Variants in IQGAP2 observed in about 807,000 individuals in gnomAD.
IQGAP2 encodes ras GTPase-activating-like protein IQGAP2.
Under a neutral mutation model 201.3 loss-of-function variants are expected in IQGAP2, and 173 were observed. That is an observed-to-expected ratio of 0.86 (90% CI 0.76 to 0.98). The LOEUF (loss-of-function observed/expected upper bound fraction) is 0.98, where lower values mean the gene tolerates loss of function less well. Among genes scored for constraint, IQGAP2 ranks in the 50% least tolerant of loss-of-function variants. IQGAP2 has a pLI of 0.00. For synonymous variants in IQGAP2, 675 were observed against 673.9 expected (o/e 1.00, Z -0.03); for missense variants, 1,687 against 1,864.8 (o/e 0.90, Z 1.76).
chr5:76,491,803 G>A lies in IQGAP2; in HGVS notation c.146+30134G>A, dbSNP rs147215603. ...GTTCTCTGCCTAATTTATATGTCTC[G>A]GAACATGCTGCTCCCCTCACCTTAA... On this transcript the variant is annotated intron_variant, in intron 2 of 35. Coordinates refer to ENST00000274364, the MANE Select transcript of IQGAP2 (RefSeq NM_006633.5). Among the ~76,000 whole-genome samples, 275 of 152,116 alleles carry A rather than the reference G, an allele frequency of 1.8e-3. 1 individual carries two copies. The highest frequency in any genetic ancestry group is 6.3e-3 in the African/African-American group (263 of 41,482).
chr5:76,600,145 T>C (rs1451361538), intron 10 of IQGAP2, among the ~76,000 whole-genome samples: 1 of 151,886 alleles, frequency 6.6e-6, no homozygotes, highest in East Asian at 1.9e-4. Flanking sequence ...CCAAACTCCA[T>C]CTCAAAAAAT....
intron 2 of IQGAP2, among the ~76,000 whole-genome samples, chr5:76,536,758 C>A (rs377752052): frequency 2.0e-5 from 3 of 147,294 alleles, no homozygotes; most frequent in East Asian, 2.0e-4. Flanking sequence ...GAAACTCCGT[C>A]TCCAAAAAAA....
chr5:76,606,567 T>A (rs1263520697), intron 12 of IQGAP2: 8 of 224,524 alleles, frequency 3.6e-5, no homozygotes, highest in Non-Finnish European at 5.2e-5. Context: ...TTATTTGTAC[T>A]TCAGAGACAG....
intron 3 of IQGAP2, among the ~76,000 whole-genome samples, chr5:76,564,860 C>G (rs1744635040): frequency 6.6e-6 from 1 of 152,150 alleles, no homozygotes; most frequent in Non-Finnish European, 1.5e-5. Context: ...GGAGGTGCAG[C>G]AGGAGGGAGA....
intron 1 of IQGAP2, among the ~76,000 whole-genome samples, chr5:76,437,579 A>G (rs1471800842): frequency 6.6e-6 from 1 of 151,838 alleles, no homozygotes; most frequent in Non-Finnish European, 1.5e-5. Flanking sequence ...TCCTGTGTCC[A>G]TGTGGTTTCA....
intron 2 of IQGAP2, among the ~76,000 whole-genome samples, chr5:76,511,999 A>G (rs1757998342): frequency 6.6e-6 from 1 of 151,506 alleles, no homozygotes. Context: ...TTTTATACAG[A>G]CAATTGGCAT....
At chr5:76,557,209 T>C (rs1744010636) in intron 2 of IQGAP2, among the ~76,000 whole-genome samples, 1 of 152,246 alleles carries the variant, frequency 6.6e-6, no homozygotes, top group Non-Finnish European at 1.5e-5. Flanking sequence ...GAGCAGAGGC[T>C]GGCCCCTGTC....
At position 76,658,625 on chromosome 5, in the gene IQGAP2, C is replaced by T; in HGVS notation, c.2487C>T (p.Asp829=). ...QQLEKDLNLM[D]IKIGLLVKNR... ...TGGAAAAAGACCTGAACCTGATGGA[C>T]ATCAAGATTGGACTGCTGGTGAAGA... Residue 829 remains aspartate (D), a synonymous_variant, in exon 21 of 36, where the codon GAC becomes GAT. Coordinates refer to ENST00000274364, the MANE Select transcript of IQGAP2 (RefSeq NM_006633.5). The T allele has an allele frequency of 6.2e-7, 1 of 1,613,990 alleles. No homozygotes were observed. The highest frequency in any genetic ancestry group is 1.3e-5 in the African/African-American group (1 of 75,050).
At chr5:76,569,346 A>T (rs1744954725) in intron 3 of IQGAP2, among the ~76,000 whole-genome samples, 3 of 152,136 alleles carry the variant, frequency 2.0e-5, no homozygotes, top group African/African-American at 7.2e-5. Context: ...AATGCACCAG[A>T]GTTTATTTAA....
chr5:76,462,492 T>C (rs10077639), intron 2 of IQGAP2, among the ~76,000 whole-genome samples: 30,029 of 152,172 alleles, frequency 0.2, 3,123 homozygotes, highest in Middle Eastern at 0.29. Context: ...ATGAGAGGAA[T>C]TGAGAGAACT....
chr5:76,536,065 CT>C (rs545584812), intron 2 of IQGAP2, among the ~76,000 whole-genome samples: 126 of 123,700 alleles, frequency 1.0e-3, no homozygotes, highest in East Asian at 9.7e-4. Context: ...GGAGCATATT[CT>C]TTTTTTTTTT....
At chr5:76,442,445 G>A (rs1330767069) in intron 1 of IQGAP2, among the ~76,000 whole-genome samples, 1 of 152,166 alleles carries the variant, frequency 6.6e-6, no homozygotes, top group Non-Finnish European at 1.5e-5. Context: ...AGTTATAGAA[G>A]TGAATAACTA....
At chr5:76,696,800 A>G (rs72761035) in intron 32 of IQGAP2, among the ~76,000 whole-genome samples, 125 of 152,342 alleles carry the variant, frequency 8.2e-4, no homozygotes, top group Non-Finnish European at 1.5e-3. Context: ...GAAAAAGGCT[A>G]TCATGAAGAC....
chr5:76,681,735 T>C (rs1745321341), intron 28 of IQGAP2, among the ~76,000 whole-genome samples: 2 of 152,134 alleles, frequency 1.3e-5, no homozygotes, highest in Non-Finnish European at 2.9e-5. Flanking sequence ...AATCTAACAG[T>C]TCCACTTCTG....
In IQGAP2 at chr5:76,654,226, T is replaced by C. The variant is rs1752731945; in HGVS notation, c.2205T>C (p.Thr735=). 1 of 1,611,172 alleles carries C rather than the reference T, an allele frequency of 6.2e-7. No individual in the cohort carries two copies. The highest frequency in any genetic ancestry group is 8.5e-7 in the Non-Finnish European group (1 of 1,178,718). ...TTCAGTCCTGGTTCCGAATGGCAAC[T>C]GCAAGAAAGAGCTATCTTTCAAGAC... ...VKIQSWFRMA[T]ARKSYLSRLQ... The change falls in exon 19 of 36, where the codon ACT becomes ACC. Residue 735 remains threonine, a synonymous_variant. Coordinates refer to ENST00000274364, the MANE Select transcript of IQGAP2 (RefSeq NM_006633.5).
chr5:76,704,412 T>C (rs1011926503), intron 35 of IQGAP2, among the ~76,000 whole-genome samples: 1 of 152,220 alleles, frequency 6.6e-6, no homozygotes, highest in Non-Finnish European at 1.5e-5. Context: ...CTTTGAGTAC[T>C]GGTATAAAAA....
At chr5:76,438,114 G>A (rs1286923482) in intron 1 of IQGAP2, among the ~76,000 whole-genome samples, 1 of 150,172 alleles carries the variant, frequency 6.7e-6, no homozygotes, top group Non-Finnish European at 1.5e-5. Flanking sequence ...AATGAGTTAG[G>A]GAGGATTCCT....
intron 14 of IQGAP2, chr5:76,628,655 T>C (rs1750450463): frequency 2.2e-6 from 1 of 455,200 alleles, no homozygotes; most frequent in Non-Finnish European, 4.4e-6. Context: ...TCAGAGAAGG[T>C]TCTTAAGATG....
chr5:76,683,775 G>A lies in IQGAP2; in HGVS notation c.3764-1G>A. On this transcript the variant is annotated splice_acceptor_variant, in intron 29 of 35. Transcript: ENST00000274364. LOFTEE classifies it high-confidence loss of function. ...AATAACACTAGGTTTTTTCCCTACA[G>A]GGGAAGGAGCAGTTGACCCCAATGA... 1.9e-6 allele frequency: 3 copies of A among 1,607,948 alleles called. No individual in the cohort carries two copies. The highest frequency in any genetic ancestry group is 1.7e-6 in the Non-Finnish European group (2 of 1,177,166).
Sources: allele counts gnomAD v4.1 joint callset (sites outside exome capture counted in the v4.1 genomes callset), GRCh38; gene constraint gnomAD v4.1.1; transcripts MANE v1.5; gene names NCBI Gene and HGNC (gene_info 2026-07-23, HGNC 2026-07-21).